The following HS2ST1 variants were observed in gnomAD, a reference collection of about 807,000 sequenced individuals.
HS2ST1 encodes the protein 2-O-sulfotransferase.
Under a neutral mutation model 42.9 loss-of-function variants are expected in HS2ST1, and 18 were observed. That is an observed-to-expected ratio of 0.42 (90% confidence interval 0.29 to 0.62). The LOEUF (loss-of-function observed/expected upper bound fraction) is 0.62. HS2ST1 is among the 20% of genes least tolerant of loss of function. The pLI is 0.21. For synonymous variants in HS2ST1, 146 were observed against 152.9 expected, an observed-to-expected ratio of 0.95 and a Z score of 0.33; for missense variants, 334 against 433.8, an observed-to-expected ratio of 0.77 and a Z score of 2.04.
intron 1 of HS2ST1, among the ~76,000 whole-genome samples, chr1:86,946,305 T>G (rs903434644): frequency 3.9e-5 from 6 of 152,214 alleles, no homozygotes; most frequent in Non-Finnish European, 7.3e-5. Flanking sequence ...ATCTTAGTGA[T>G]TGTCCAGTGA....
intron 1 of HS2ST1, among the ~76,000 whole-genome samples, chr1:87,005,357 A>G (rs1348756791): frequency 6.6e-6 from 1 of 152,178 alleles, no homozygotes; most frequent in Non-Finnish European, 1.5e-5. Context: ...TTAAGCAAAT[A>G]AAATATTTAA....
chr1:87,068,884 G>A (rs1651324200), intron 1 of HS2ST1, among the ~76,000 whole-genome samples: 1 of 151,918 alleles, frequency 6.6e-6, no homozygotes, highest in East Asian at 1.9e-4. Flanking sequence ...AAGAGATGGG[G>A]GTCTAGCTGG....
intron 3 of HS2ST1, among the ~76,000 whole-genome samples, chr1:87,087,385 A>AT (rs1651840216): frequency 6.6e-6 from 1 of 152,126 alleles, no homozygotes; most frequent in Admixed American, 6.6e-5. Flanking sequence ...TATTTTTGAT[A>AT]TAACAGTTTT....
chr1:87,042,250 A>G (rs948631892), intron 1 of HS2ST1, among the ~76,000 whole-genome samples: 9 of 152,116 alleles, frequency 5.9e-5, no homozygotes, highest in African/African-American at 9.7e-5. Context: ...TGTGGTTAGC[A>G]AATATATTCT....
At chr1:86,985,911 C>T (rs1200002435) in intron 1 of HS2ST1, among the ~76,000 whole-genome samples, 4 of 152,042 alleles carry the variant, frequency 2.6e-5, no homozygotes, top group Non-Finnish European at 5.9e-5. Flanking sequence ...GGAATTGACA[C>T]CTGTGTTTTT....
chr1:86,945,009 A>C (rs7546436), intron 1 of HS2ST1, among the ~76,000 whole-genome samples: 5,586 of 152,154 alleles, frequency 0.037, 364 homozygotes, highest in African/African-American at 0.13. Context: ...ACTAGTGTGT[A>C]TTATCTCTTA....
chr1:86,941,161 G>A (rs1411801781), intron 1 of HS2ST1, among the ~76,000 whole-genome samples: 1 of 152,124 alleles, frequency 6.6e-6, no homozygotes, highest in Non-Finnish European at 1.5e-5. Flanking sequence ...GCAAAATTAT[G>A]TCATTGGTTT....
chr1:86,937,336 T>C (rs1403201117), intron 1 of HS2ST1, among the ~76,000 whole-genome samples: 1 of 152,180 alleles, frequency 6.6e-6, no homozygotes, highest in African/African-American at 2.4e-5. Context: ...CCTAGGTGGA[T>C]ATGGAATTAA....
At chr1:86,925,554 A>T (rs1205030200) in intron 1 of HS2ST1, among the ~76,000 whole-genome samples, 1 of 143,324 alleles carries the variant, frequency 7.0e-6, no homozygotes, top group Non-Finnish European at 1.5e-5. Flanking sequence ...ATCTTATGTG[A>T]TGGTGGCAGG....
intron 1 of HS2ST1, among the ~76,000 whole-genome samples, chr1:86,921,083 A>G (rs923433319): frequency 7.1e-6 from 1 of 141,422 alleles, no homozygotes; most frequent in Non-Finnish European, 1.5e-5. Context: ...AGTTTTGTCA[A>G]TTACAAATAA....
At chr1:86,947,296 A>T (rs1324354182) in intron 1 of HS2ST1, among the ~76,000 whole-genome samples, 2 of 152,236 alleles carry the variant, frequency 1.3e-5, no homozygotes, top group Non-Finnish European at 2.9e-5. Context: ...TTGTCTCCTA[A>T]TAGGCATTAT....
intron 1 of HS2ST1, among the ~76,000 whole-genome samples, chr1:87,015,062 T>TTGAGACAGAGTGTCGCTC (rs1553137598): frequency 1.3e-5 from 2 of 152,082 alleles, no homozygotes. Context: ...GTTTGTTTGT[T>TTGAGACAGAGTGTCGCTC]TGTTTGAGAC....
chr1:87,012,300 G>A (rs1480429452), intron 1 of HS2ST1, among the ~76,000 whole-genome samples: 1 of 152,116 alleles, frequency 6.6e-6, no homozygotes, highest in Non-Finnish European at 1.5e-5. Flanking sequence ...ACAGTTACAC[G>A]TAGCTGGGGA....
At chr1:87,093,797 G>A (rs1470417584) in intron 4 of HS2ST1, among the ~76,000 whole-genome samples, 1 of 151,998 alleles carries the variant, frequency 6.6e-6, no homozygotes, top group African/African-American at 2.4e-5. Flanking sequence ...ACATCCAACA[G>A]TATTTTTTTC....
chr1:86,973,849 A>G (rs1240741505), intron 1 of HS2ST1, among the ~76,000 whole-genome samples: 1 of 152,224 alleles, frequency 6.6e-6, no homozygotes, highest in Non-Finnish European at 1.5e-5. Context: ...TTAAGGTTTT[A>G]GAAATCAGTC....
intron 1 of HS2ST1, among the ~76,000 whole-genome samples, chr1:86,984,504 A>C (rs1648697808): frequency 6.6e-6 from 1 of 152,234 alleles, no homozygotes; most frequent in South Asian, 2.1e-4. Context: ...AATAAAAGGA[A>C]GGAAAAGTAG....
chr1:86,935,634 TTA>T (rs1301702557), intron 1 of HS2ST1, among the ~76,000 whole-genome samples: 1 of 151,832 alleles, frequency 6.6e-6, no homozygotes, highest in African/African-American at 2.4e-5. Context: ...AGCTTATTTT[TTA>T]TATGTTTAGT....
chr1:86,991,379 G>A (rs189322874), intron 1 of HS2ST1, among the ~76,000 whole-genome samples: 5 of 152,152 alleles, frequency 3.3e-5, no homozygotes, highest in East Asian at 1.9e-4. Context: ...AGGAAAATGC[G>A]TACAGAAAAC....
At chr1:86,928,068 C>G (rs1660458764) in intron 1 of HS2ST1, among the ~76,000 whole-genome samples, 1 of 152,016 alleles carries the variant, frequency 6.6e-6, no homozygotes, top group Non-Finnish European at 1.5e-5. Flanking sequence ...AAGAAACTAA[C>G]TGCGCAGCAT....
Sources: allele counts gnomAD v4.1 joint callset (sites outside exome capture counted in the v4.1 genomes callset), GRCh38; gene constraint gnomAD v4.1.1; transcripts MANE v1.5; gene names NCBI Gene and HGNC (gene_info 2026-07-23, HGNC 2026-07-21).